LRRC37B: variants seen among roughly 807,000 people sequenced by gnomAD.
The protein encoded by LRRC37B is leucine rich repeat containing 37B, also known as leucine-rich repeat-containing protein 37B.
LRRC37B carries 28 observed loss-of-function variants against 98.3 expected under a neutral mutation model. The observed-to-expected ratio is 0.28, with a 90% CI of 0.21 to 0.39. The LOEUF (loss-of-function observed/expected upper bound fraction) is 0.39. Among genes scored for constraint, LRRC37B ranks in the 10% least tolerant of loss-of-function variants. The pLI is 1.00. For missense variants in LRRC37B, 938 were observed against 1,182.7 expected (o/e 0.79, Z 3.03); for synonymous variants, 364 against 442.7 (o/e 0.82, Z 2.23).
rs1231860865 is a variant in LRRC37B, at chr17:32,048,913, GAT to G, written c.2465-188_2465-187del. 3 of 1,445,428 alleles carry G rather than the reference GAT, an allele frequency of 2.1e-6. No individual in the cohort carries two copies. In the African/African-American group the frequency reaches 4.2e-5, roughly 20 times the overall value. 89.5% of individuals were successfully genotyped at this position (1,445,428 alleles called of 1,614,324 possible). ...CAACTAATGTAAAAGACACAAAAGA[GAT>G]GTGTTCAAAGACACATCTCTGAAAA... On this transcript the variant is annotated intron_variant, in intron 9 of 11. Transcript: ENST00000327564.
At chr17:32,036,616 G>A (rs1164808986) in intron 7 of LRRC37B, among the ~76,000 whole-genome samples, 1 of 152,046 alleles carries the variant, frequency 6.6e-6, no homozygotes, top group African/African-American at 2.4e-5. Flanking sequence ...TCTGCAGGGG[G>A]TCCTGGAGCC....
intron 8 of LRRC37B, 170 bp from the exon 12 acceptor site, chr17:32,047,591 G>A (rs1290338130): frequency 2.3e-5 from 21 of 916,316 alleles, no homozygotes; most frequent in South Asian, 9.6e-5. Context: ...TCCTCCTTTC[G>A]TTGTTGCCAT....
At chr17:32,050,285 C>G (rs563825541) in intron 11 of LRRC37B, 178 bp downstream of exon 14, 35 of 546,204 alleles carry the variant, frequency 6.4e-5, no homozygotes, top group African/African-American at 6.0e-4. Flanking sequence ...TTAAAGGATC[C>G]TCGCTTCCAG....
chr17:32,050,018 C>G, exon 11 of LRRC37B: 1 of 1,519,018 alleles, frequency 6.6e-7, no homozygotes, highest in East Asian at 2.3e-5. Flanking sequence ...GAAAGAAGTT[C>G]CAGGAGATGA....
chr17:32,025,030 G>GGT (rs1555535202), intron 2 of LRRC37B, among the ~76,000 whole-genome samples: 2 of 69,924 alleles, frequency 2.9e-5, no homozygotes, highest in South Asian at 6.5e-4. Flanking sequence ...TTTTTTCCTC[G>GGT]TTTTTTTTTT....
At chr17:32,029,309 T>G (rs1911048615) in intron 3 of LRRC37B, among the ~76,000 whole-genome samples, 1 of 152,212 alleles carries the variant, frequency 6.6e-6, no homozygotes, top group South Asian at 2.1e-4. Flanking sequence ...GCTATTCATT[T>G]GTTTTACAAA....
intron 4 of LRRC37B, 105 bp from the exon 8 acceptor site, chr17:32,031,273 G>A: frequency 6.6e-7 from 1 of 1,525,464 alleles, no homozygotes; most frequent in Non-Finnish European, 8.8e-7. Flanking sequence ...AGTGCACAGA[G>A]AAAAGATTGA....
chr17:32,009,347 C>T (rs1184146168), intron 1 of LRRC37B, among the ~76,000 whole-genome samples: 4 of 151,970 alleles, frequency 2.6e-5, no homozygotes, highest in Non-Finnish European at 5.9e-5. Flanking sequence ...CTGCAGCCTC[C>T]ACCTTCTGGG....
exon 1 of LRRC37B, chr17:32,008,048 G>A (rs755745269): frequency 3.9e-6 from 2 of 510,168 alleles, no homozygotes. Context: ...GGAGGACGAC[G>A]ATGACTCCGA....
chr17:32,040,353 C>A (rs1911388341), intron 7 of LRRC37B: 2 of 396,440 alleles, frequency 5.0e-6, no homozygotes, highest in Admixed American at 3.7e-5. Context: ...CGTGGTGGGG[C>A]CCCTGAGGCG....
At chr17:32,035,218 A>G (rs1185744395) in intron 6 of LRRC37B, among the ~76,000 whole-genome samples, 1 of 152,202 alleles carries the variant, frequency 6.6e-6, no homozygotes, top group Non-Finnish European at 1.5e-5. Context: ...ATGTAGACAC[A>G]TGGAGGAATA....
intron 3 of LRRC37B, among the ~76,000 whole-genome samples, chr17:32,030,213 C>T (rs1219292988): frequency 2.6e-5 from 4 of 151,998 alleles, no homozygotes; most frequent in African/African-American, 7.3e-5. Context: ...GGGGTAACTT[C>T]CTTTCAAATG....
upstream of LRRC37B, among the ~76,000 whole-genome samples, chr17:32,018,308 C>G (rs1910690685): frequency 6.6e-6 from 1 of 152,130 alleles, no homozygotes; most frequent in South Asian, 2.1e-4. Flanking sequence ...GCCTGGGCGA[C>G]AAGAGCGAAA....
intron 6 of LRRC37B, among the ~76,000 whole-genome samples, 157 bp from the exon 10 acceptor site, chr17:32,035,408 T>C (rs1911219906): frequency 6.6e-6 from 1 of 152,222 alleles, no homozygotes; most frequent in African/African-American, 2.4e-5. Flanking sequence ...ATTTCTTTAA[T>C]AAGATCTCTC....
intron 5 of LRRC37B, 111 bp from the exon 9 acceptor site, chr17:32,034,799 G>A (rs1366468222): frequency 1.7e-5 from 13 of 775,766 alleles, no homozygotes; most frequent in African/African-American, 3.5e-5. Context: ...TGTAAAAGCA[G>A]AAAATTATTT....
At chr17:32,029,183 A>G (rs528825665) in intron 3 of LRRC37B, among the ~76,000 whole-genome samples, 1 of 151,968 alleles carries the variant, frequency 6.6e-6, no homozygotes, top group South Asian at 2.1e-4. Flanking sequence ...TTGTATTTTT[A>G]GTAGAGACGG....
chr17:32,007,920 G>C (rs1910447656), upstream of LRRC37B: 1 of 670,794 alleles, frequency 1.5e-6, no homozygotes, highest in South Asian at 6.7e-5. The surrounding 1 kb of genome is among the most constrained non-coding windows in gnomAD (Gnocchi z 4.1). Flanking sequence ...GCAGCCCGGA[G>C]GGCTGTCAAC....
At chr17:32,040,047 A>G (rs1208772655) in intron 7 of LRRC37B, 1 of 152,636 alleles carries the variant, frequency 6.6e-6, no homozygotes, top group African/African-American at 2.4e-5. Context: ...CACCAAGGCC[A>G]TAAAGACATT....
chr17:32,046,509 T>A (rs1480293408), intron 8 of LRRC37B, among the ~76,000 whole-genome samples: 4 of 152,222 alleles, frequency 2.6e-5, no homozygotes, highest in African/African-American at 9.6e-5. Flanking sequence ...AATACAGGTA[T>A]CTACCAGTGA....
Sources: allele counts gnomAD v4.1 joint callset (sites outside exome capture counted in the v4.1 genomes callset), GRCh38; gene constraint gnomAD v4.1.1; non-coding constraint Gnocchi (gnomAD v3.1); transcripts MANE v1.5; gene names NCBI Gene and HGNC (gene_info 2026-07-23, HGNC 2026-07-21).